The following BCL9L variants were observed in gnomAD, a reference collection of about 807,000 sequenced individuals.
BCL9L encodes the protein B-cell CLL/lymphoma 9-like protein.
Under a neutral mutation model 99.4 loss-of-function variants are expected in BCL9L, and 19 were observed. The observed-to-expected ratio is 0.19, with a 90% CI of 0.13 to 0.28. The LOEUF (loss-of-function observed/expected upper bound fraction) is 0.28. BCL9L is among the 10% of genes least tolerant of loss of function. BCL9L has a pLI of 1.00. For missense variants in BCL9L, 2,023 were observed against 2,101.6 expected (o/e 0.96, Z 0.73); for synonymous variants, 900 against 854.8 (o/e 1.05, Z -0.92).
Position 118,900,506 on chromosome 11 carries a change from C to T in BCL9L, c.3124+113G>A. ...TCTGCCCCATAAGCAGAGCCATCCA[C>T]CTCTGGGCCCGTGGTACACAGGCCC... On this transcript the variant is annotated intron_variant, in intron 8 of 9. Transcript: ENST00000683865. This position sits in a 1 kb window ranked among gnomAD's most constrained non-coding sequence, Gnocchi z 5.3. The T allele has an allele frequency of 6.8e-7, 1 of 1,465,510 alleles. No individual in the cohort carries two copies. The highest frequency in any genetic ancestry group is 9.0e-7 in the Non-Finnish European group (1 of 1,113,128). The allele number at this position is 1,465,510 out of a possible 1,614,324, so 90.8% of individuals were successfully genotyped here. A position where few individuals can be genotyped will look rare whatever the true frequency, so the allele number is the denominator to read the frequency against.
At chr11:118,912,389 C>A (rs1488143044) in intron 2 of BCL9L, among the ~76,000 whole-genome samples, 2 of 152,104 alleles carry the variant, frequency 1.3e-5, no homozygotes. Flanking sequence ...GGAGCAGGTG[C>A]GAGTCACCTG....
rs973636826 is a variant in BCL9L, at chr11:118,896,212, C to T, written c.*2203G>A. ...ACAGTACAGGCAGCACAGAGACCCC[C>T]GGAACAAGCCTAAAAATTGTTTCAA... On this transcript the variant is annotated 3_prime_UTR_variant, in exon 10 of 10. Coordinates refer to ENST00000683865, the MANE Select transcript of BCL9L (RefSeq NM_001378213.1). 8 of 166,664 alleles carry T rather than the reference C, an allele frequency of 4.8e-5. No individual in the cohort carries two copies. In the East Asian group the frequency reaches 5.8e-4, roughly 12 times the overall value. The allele number at this position is 166,664 out of a possible 1,614,324, so 10.3% of individuals were successfully genotyped here.
intron 5 of BCL9L, among the ~76,000 whole-genome samples, chr11:118,905,266 T>C (rs1591985558): frequency 6.6e-6 from 1 of 152,068 alleles, no homozygotes; most frequent in Admixed American, 6.6e-5. Flanking sequence ...CCTAACACTT[T>C]GGGAGGCCGA....
At chr11:118,906,446 T>C (rs899785265) in intron 5 of BCL9L, among the ~76,000 whole-genome samples, 2 of 152,194 alleles carry the variant, frequency 1.3e-5, no homozygotes, top group African/African-American at 4.8e-5. Flanking sequence ...TCTACACCCC[T>C]GTCACAGACA....
rs1235293157 is a variant in BCL9L, at chr11:118,908,617, G to A, written c.65C>T (p.Pro22Leu). Reference protein sequence around the residue: ...HPRRREAPGSPPLSPRGHCPP... With the variant: ...HPRRREAPGSLPLSPRGHCPP... ...GCAATGACCGCGGGGGGACAGCGGCGGGCTCCCTGGAGCTTCTCTCCTCCT... is the reference window on the plus strand; with the variant it reads ...GCAATGACCGCGGGGGGACAGCGGCAGGCTCCCTGGAGCTTCTCTCCTCCT... Residue 22 changes from proline (P) to leucine (L), a missense_variant, in exon 4 of 10, where the codon CCG (proline) becomes CTG (leucine). Around this residue, in one of 3 missense-constraint regions of BCL9L, gnomAD observed 1,116 missense variants for 1,194.6 expected, o/e 0.93. Coordinates refer to ENST00000683865, the MANE Select transcript of BCL9L (RefSeq NM_001378213.1). 10 of 1,612,504 alleles carry A rather than the reference G, an allele frequency of 6.2e-6. No individual in the cohort carries two copies. Among genetic ancestry groups the A allele is most frequent in the African/African-American group, 5.3e-5 (4 of 74,896 alleles).
At chr11:118,915,834 T>C (rs774511356) in intron 2 of BCL9L, among the ~76,000 whole-genome samples, 12 of 152,268 alleles carry the variant, frequency 7.9e-5, no homozygotes, top group Non-Finnish European at 1.6e-4. Flanking sequence ...TTCTGGAAAG[T>C]AGGGGGCCCA....
chr11:118,902,114 G>A lies in BCL9L; in HGVS notation c.1629C>T (p.Ser543=). 6.2e-7 allele frequency: 1 copy of A among 1,613,988 alleles called. No individual in the cohort carries two copies. Among genetic ancestry groups the A allele is most frequent in the Non-Finnish European group, 8.5e-7 (1 of 1,179,982 alleles). The change falls in exon 8 of 10, where the codon AGC becomes AGT. Residue 543 remains serine, a synonymous_variant. Coordinates refer to ENST00000683865, the MANE Select transcript of BCL9L (RefSeq NM_001378213.1). This position sits in a 1 kb window ranked among gnomAD's most constrained non-coding sequence, Gnocchi z 7.8. ...RKEEQIGLHG[S]RPLQDMMGMG... ...TGCCCATCATGTCCTGCAGAGGACG[G>A]CTCCCATGCAGCCCAATCTGTTCCT... is the stretch of plus-strand genomic sequence containing the variant.
rs759390793 is a variant in BCL9L, at chr11:118,897,691, T to A, written c.*724A>T. The A allele has an allele frequency of 2.3e-6, 1 of 430,222 alleles. No homozygotes were observed. The allele number at this position is 430,222 out of a possible 1,614,324, so 26.7% of individuals were successfully genotyped here. Reference sequence around the variant, plus strand: ...CAGTGGGTGGCCATGTAGGGCTGCATGTCCCTGGGTCCAGGGGAATGGAGG... The same window carrying A: ...CAGTGGGTGGCCATGTAGGGCTGCAAGTCCCTGGGTCCAGGGGAATGGAGG... On this transcript the variant is annotated 3_prime_UTR_variant, in exon 10 of 10. Coordinates refer to ENST00000683865, the MANE Select transcript of BCL9L (RefSeq NM_001378213.1).
At chr11:118,913,205 T>C (rs1940860702) in intron 2 of BCL9L, among the ~76,000 whole-genome samples, 1 of 152,164 alleles carries the variant, frequency 6.6e-6, no homozygotes, top group African/African-American at 2.4e-5. Context: ...CAGCCATTTT[T>C]GCTTGGGAGG....
Position 118,900,835 on chromosome 11 carries a change from G to T in BCL9L, c.2908C>A (p.Pro970Thr). ...ACCTGGGGCGACTTGAGAGGTCCTG[G>T]CGGGTTGGCAGAAGGCAAGGGCACC... ...QMVPLPSANP[P>T]GPLKSPQVLG... Residue 970 changes from proline to threonine, a missense_variant, in exon 8 of 10, where the codon CCA becomes ACA. Physicochemically the swap from Pro to Thr is conservative, Grantham distance 38. Transcript: ENST00000683865. The surrounding 1 kb of genome is among the most constrained non-coding windows in gnomAD (Gnocchi z 5.3). The T allele has an allele frequency of 5.0e-6, 8 of 1,613,364 alleles. No individual in the cohort carries two copies. The highest frequency in any genetic ancestry group is 1.3e-5 in the African/African-American group (1 of 75,044).
chr11:118,904,202 C>T (rs970556365), intron 5 of BCL9L, among the ~76,000 whole-genome samples: 2 of 152,036 alleles, frequency 1.3e-5, no homozygotes, highest in East Asian at 1.9e-4. Context: ...GCAGTTTGGG[C>T]GGTAGAGGCG....
rs754823635 is a variant in BCL9L, at chr11:118,925,584, C to CTTG, written c.-478_-477insCAA. On this transcript the variant is annotated 5_prime_UTR_variant, in exon 1 of 10. Coordinates refer to ENST00000683865, the MANE Select transcript of BCL9L (RefSeq NM_001378213.1). This position sits in a 1 kb window ranked among gnomAD's most constrained non-coding sequence, Gnocchi z 6.4. ...CGGCTCCTGCTCCTGCTCCTCCTTC[C>CTTG]CTTGCTTGCTTGCTTGCTTCCTTCC... is the stretch of plus-strand genomic sequence containing the variant. 0.14 allele frequency: 13,063 copies of CTTG among 95,194 alleles called. 585 individuals are homozygous for CTTG. Among genetic ancestry groups the CTTG allele is most frequent in the Middle Eastern group, 0.19 (39 of 202 alleles). 5.9% of individuals were successfully genotyped at this position (95,194 alleles called of 1,614,324 possible).
In BCL9L at chr11:118,922,670, C is replaced by T. The variant is rs562039737; in HGVS notation, c.-131+2568G>A. 2.1e-4 allele frequency among the ~76,000 whole-genome samples: 32 copies of T among 152,240 alleles called. No homozygotes were observed. Among genetic ancestry groups the T allele is most frequent in the Non-Finnish European group, 3.7e-4 (25 of 67,994 alleles). ...GCTCCCACGGCTGCCCACTTTCCCA[C>T]GGTGCCATCCCCCTTCTGCCCCCTC... is the stretch of plus-strand genomic sequence containing the variant. On this transcript the variant is annotated intron_variant, in intron 1 of 9. Transcript: ENST00000683865. This position sits in a 1 kb window ranked among gnomAD's most constrained non-coding sequence, Gnocchi z 6.2.
chr11:118,903,866 CCT>C lies in BCL9L; in HGVS notation c.533-416_533-415del, dbSNP rs1401272753. 1.4e-4 allele frequency among the ~76,000 whole-genome samples: 22 copies of C among 152,182 alleles called. No individual in the cohort carries two copies. The highest frequency in any genetic ancestry group is 5.1e-4 in the African/African-American group (21 of 41,434). ...TGAAGCTCCGCTCTGAGCTGCTGCC[CCT>C]CTCACTGGGTAAGTGTATGTGCACA... On this transcript the variant is annotated intron_variant, in intron 5 of 9. Coordinates refer to ENST00000683865, the MANE Select transcript of BCL9L (RefSeq NM_001378213.1). The surrounding 1 kb of genome is among the most constrained non-coding windows in gnomAD (Gnocchi z 5.6).
At chr11:118,924,401 C>T (rs752163548) in intron 1 of BCL9L, among the ~76,000 whole-genome samples, 3 of 151,714 alleles carry the variant, frequency 2.0e-5, no homozygotes, top group Non-Finnish European at 4.4e-5. Context: ...CAGAAAAACC[C>T]GGAAGGAAGG....
Position 118,924,761 on chromosome 11 carries a change from C to A in BCL9L, c.-131+477G>T, listed in dbSNP as rs1032106149. On this transcript the variant is annotated intron_variant, in intron 1 of 9. Coordinates refer to ENST00000683865, the MANE Select transcript of BCL9L (RefSeq NM_001378213.1). ...GGAAGAAGAGACTCCTCAGTCACAG[C>A]CCCCGCTACTCACAGGCAGTGCCTG... Among the ~76,000 whole-genome samples, 5 of 152,342 alleles carry A rather than the reference C, an allele frequency of 3.3e-5. No individual in the cohort carries two copies. In the East Asian group the frequency reaches 7.7e-4, roughly 24 times the overall value.
At chr11:118,920,325 ACTGT>A (rs1941102481) in intron 1 of BCL9L, among the ~76,000 whole-genome samples, 1 of 152,124 alleles carries the variant, frequency 6.6e-6, no homozygotes, top group South Asian at 2.1e-4. Context: ...AATGTAGAAT[ACTGT>A]CTAAGTGCAG....
rs1940090562 is a variant in BCL9L at position 118,899,274 on chromosome 11, G to A, written c.3641C>T (p.Ala1214Val). Residue 1214 changes from alanine (A) to valine (V), a missense_variant, in exon 10 of 10, where the codon GCC becomes GTC. Ala to Val is a moderately conservative substitution (Grantham distance 64). Transcript: ENST00000683865. ...MAPGGPDSLN[A>V]PCGPVPSSSQ... Reference sequence around the variant, plus strand: ...GGAGCTGGGCACTGGGCCACAGGGGGCATTCAGGGAGTCGGGGCCCCCTGG... The same window carrying A: ...GGAGCTGGGCACTGGGCCACAGGGGACATTCAGGGAGTCGGGGCCCCCTGG... The A allele has an allele frequency of 2.6e-6, 4 of 1,529,660 alleles. No homozygotes were observed. The highest frequency in any genetic ancestry group is 2.6e-5 in the South Asian group (2 of 77,206). The allele number at this position is 1,529,660 out of a possible 1,614,324, so 94.8% of individuals were successfully genotyped here.
chr11:118,898,294 G>GCCCCCCACCCCCCC lies in BCL9L; in HGVS notation c.*120_*121insGGGGGGGTGGGGGG. 4.4e-6 allele frequency: 2 copies of GCCCCCCACCCCCCC among 452,312 alleles called. No homozygotes were observed. The highest frequency in any genetic ancestry group is 8.2e-6 in the Non-Finnish European group (2 of 244,762). The allele number at this position is 452,312 out of a possible 1,614,324, so 28.0% of individuals were successfully genotyped here. A position where few individuals can be genotyped will look rare whatever the true frequency, so the allele number is the denominator to read the frequency against. ...TCCACAAATGCCACTCCCTACACAAGCCCCCTCCCACCCCCTCCACCCCAC... is the reference window on the plus strand; with the variant it reads ...TCCACAAATGCCACTCCCTACACAAGCCCCCCACCCCCCCCCCCCTCCCACCCCCTCCACCCCAC... On this transcript the variant is annotated 3_prime_UTR_variant, in exon 10 of 10. Transcript: ENST00000683865.
Sources: gnomAD v4.1 joint callset for allele counts (sites outside exome capture counted in the v4.1 genomes callset) on GRCh38, gnomAD v4.1.1 for gene constraint, gnomAD v4.1.1 regional missense constraint, Gnocchi (gnomAD v3.1) non-coding constraint, MANE v1.5 for transcripts, NCBI Gene and HGNC (gene_info 2026-07-23, HGNC 2026-07-21) for gene names.